The following PTPN12 variants were observed in gnomAD, a reference collection of about 807,000 sequenced individuals.
PTPN12 encodes the protein tyrosine-protein phosphatase non-receptor type 12.
A neutral mutation model predicts 97.6 loss-of-function variants in PTPN12; 29 were observed. The ratio of observed to expected loss-of-function variants is 0.30; its 90% confidence interval spans 0.22 to 0.41. The LOEUF is 0.41. Among genes scored for constraint, PTPN12 ranks in the 10% least tolerant of loss-of-function variants. PTPN12 has a pLI of 1.00. For synonymous variants in PTPN12, 327 were observed against 300.4 expected (o/e 1.09, Z -0.91); for missense variants, 819 against 926.0 (o/e 0.88, Z 1.50).
intron 6 of PTPN12, among the ~76,000 whole-genome samples, chr7:77,593,034 C>G (rs1246589692): frequency 6.6e-6 from 1 of 152,064 alleles, no homozygotes; most frequent in African/African-American, 2.4e-5. Context: ...TTTGAGAGGC[C>G]AAGGCGAGTG....
chr7:77,590,659 C>G (rs1166962392), intron 5 of PTPN12, among the ~76,000 whole-genome samples: 1 of 151,590 alleles, frequency 6.6e-6, no homozygotes, highest in African/African-American at 2.4e-5. Flanking sequence ...CTCCCAGGTT[C>G]AAACGATTCT....
intron 2 of PTPN12, among the ~76,000 whole-genome samples, chr7:77,579,899 C>T (rs1787458703): frequency 1.3e-5 from 2 of 152,136 alleles, no homozygotes; most frequent in Non-Finnish European, 2.9e-5. Context: ...GATATTTTTA[C>T]TTTTTGGTTT....
At chr7:77,624,700 A>C (rs539183252) in intron 12 of PTPN12, among the ~76,000 whole-genome samples, 6 of 151,832 alleles carry the variant, frequency 4.0e-5, no homozygotes, top group African/African-American at 1.4e-4. Flanking sequence ...TGGCCTCCCA[A>C]AGTGCTAGGA....
intron 8 of PTPN12, among the ~76,000 whole-genome samples, chr7:77,603,315 A>G (rs1788246893): frequency 2.0e-5 from 3 of 152,224 alleles, no homozygotes; most frequent in Admixed American, 1.3e-4. Flanking sequence ...AACTAAATTG[A>G]CCGTTAAATA....
intron 7 of PTPN12, 120 bp downstream of exon 7, chr7:77,598,021 G>A: frequency 7.6e-7 from 1 of 1,310,238 alleles, no homozygotes; most frequent in Non-Finnish European, 1.0e-6. Flanking sequence ...TGAGTCCAGG[G>A]GTTCAAGACT....
intron 12 of PTPN12, among the ~76,000 whole-genome samples, chr7:77,621,773 G>A (rs7783685): frequency 0.084 from 12,734 of 152,206 alleles, 756 homozygotes; most frequent in Non-Finnish European, 0.12. Flanking sequence ...ATGACTGACA[G>A]CATAGTAGCT....
In PTPN12 at chr7:77,537,434, G is replaced by T; in HGVS notation, c.-113G>T. 7.2e-7 allele frequency: 1 copy of T among 1,386,620 alleles called. No individual in the cohort carries two copies. Among genetic ancestry groups the T allele is most frequent in the South Asian group, 1.5e-5 (1 of 65,874 alleles). 85.9% of individuals were successfully genotyped at this position (1,386,620 alleles called of 1,614,324 possible). A position where few individuals can be genotyped will look rare whatever the true frequency, so the allele number is the denominator to read the frequency against. On this transcript the variant is annotated 5_prime_UTR_variant, in exon 1 of 18. Transcript: ENST00000248594. ...GGAGGGAGCCGCGGGGCTTGGCGGG[G>T]TCGGGAGGGAGGGACGTGCTGGGGG...
chr7:77,605,665 C>T (rs1249158795), intron 8 of PTPN12, among the ~76,000 whole-genome samples: 3 of 151,726 alleles, frequency 2.0e-5, no homozygotes, highest in East Asian at 1.9e-4. Flanking sequence ...AGGTGATCCG[C>T]CCTCCTTGGC....
rs1789201931 is a variant in PTPN12 at position 77,626,789 on chromosome 7, C to G, written c.1110C>G (p.Pro370=). 6.2e-7 allele frequency: 1 copy of G among 1,613,970 alleles called. No homozygotes were observed. Among genetic ancestry groups the G allele is most frequent in the Non-Finnish European group, 8.5e-7 (1 of 1,179,886 alleles). ...TGCCACCCATCTTGACACCTTCTCCCCCTTCAGCTTTTCCAACAGTCACTA... is the reference window on the plus strand; with the variant it reads ...TGCCACCCATCTTGACACCTTCTCCGCCTTCAGCTTTTCCAACAGTCACTA... ...HPVPPILTPS[P]PSAFPTVTTV... Residue 370 remains proline (P), a synonymous_variant, in exon 13 of 18, where the codon CCC becomes CCG. Transcript: ENST00000248594.
chr7:77,613,159 A>G (rs1268017950), intron 11 of PTPN12, among the ~76,000 whole-genome samples: 2 of 133,366 alleles, frequency 1.5e-5, no homozygotes, highest in African/African-American at 5.6e-5. Flanking sequence ...GTTTTCTTTA[A>G]TTTTTGGGTT....
At chr7:77,624,966 C>T (rs1789082109) in intron 12 of PTPN12, among the ~76,000 whole-genome samples, 1 of 151,808 alleles carries the variant, frequency 6.6e-6, no homozygotes, top group African/African-American at 2.4e-5. Context: ...AAAACCCCAT[C>T]TCTACTAAAA....
chr7:77,605,281 GT>G (rs1440995027), intron 8 of PTPN12, among the ~76,000 whole-genome samples: 1 of 151,908 alleles, frequency 6.6e-6, no homozygotes, highest in African/African-American at 2.4e-5. Flanking sequence ...CTTTGTGGGG[GT>G]TTTTGCCAAA....
At chr7:77,579,702 TC>T (rs1309631757) in intron 2 of PTPN12, among the ~76,000 whole-genome samples, 7 of 152,308 alleles carry the variant, frequency 4.6e-5, no homozygotes, top group South Asian at 2.1e-4. Flanking sequence ...TATTTGCACT[TC>T]CTGTGACAGA....
intron 8 of PTPN12, among the ~76,000 whole-genome samples, chr7:77,603,883 CTTTTTTTTT>C (rs773037726): frequency 1.1e-5 from 1 of 87,868 alleles, no homozygotes; most frequent in African/African-American, 5.0e-5. Context: ...TTTTTGTTTG[CTTTTTTTTT>C]TTTTTTTTTT....
In PTPN12 at chr7:77,592,304, A is replaced by G. The variant is rs572176146; in HGVS notation, c.492+48A>G. ...ACTTTTTTCAGAAAATTGGCATGCTATACTGATGAATAATTAAATTATAAT... is the reference window on the plus strand; with the variant it reads ...ACTTTTTTCAGAAAATTGGCATGCTGTACTGATGAATAATTAAATTATAAT... On this transcript the variant is annotated intron_variant, in intron 6 of 17. Coordinates refer to ENST00000248594, the MANE Select transcript of PTPN12 (RefSeq NM_002835.4). 42 of 1,359,136 alleles carry G rather than the reference A, an allele frequency of 3.1e-5. No homozygotes were observed. In the South Asian group the frequency reaches 3.5e-4, roughly 11 times the overall value. 84.2% of individuals were successfully genotyped at this position (1,359,136 alleles called of 1,614,324 possible). A position where few individuals can be genotyped will look rare whatever the true frequency, so the allele number is the denominator to read the frequency against.
chr7:77,605,214 G>A (rs1208361986), intron 8 of PTPN12, among the ~76,000 whole-genome samples: 1 of 151,954 alleles, frequency 6.6e-6, no homozygotes, highest in Non-Finnish European at 1.5e-5. Flanking sequence ...TAGGTTACAT[G>A]TTTAACAAAC....
At chr7:77,573,234 T>C (rs140876008) in intron 2 of PTPN12, among the ~76,000 whole-genome samples, 187 of 152,248 alleles carry the variant, frequency 1.2e-3, no homozygotes, top group African/African-American at 4.3e-3. Flanking sequence ...TCACCTGTTG[T>C]CTTAGTCTGT....
intron 13 of PTPN12, among the ~76,000 whole-genome samples, chr7:77,629,116 A>G (rs1353292709): frequency 5.3e-5 from 8 of 151,426 alleles, no homozygotes; most frequent in Admixed American, 5.3e-4. Flanking sequence ...TGCCTGGCTA[A>G]TTTTTTGTAT....
chr7:77,622,870 T>A (rs1788991508), intron 12 of PTPN12, among the ~76,000 whole-genome samples: 2 of 146,028 alleles, frequency 1.4e-5, no homozygotes, highest in African/African-American at 4.9e-5. Context: ...ATTTCCAAAA[T>A]AAAGAAATTC....
Sources: allele counts gnomAD v4.1 joint callset (sites outside exome capture counted in the v4.1 genomes callset), GRCh38; gene constraint gnomAD v4.1.1; transcripts MANE v1.5; gene names NCBI Gene and HGNC (gene_info 2026-07-23, HGNC 2026-07-21).